The following AGAP1 variants were observed in gnomAD, a reference collection of about 807,000 sequenced individuals.
AGAP1 encodes ArfGAP with GTPase domain, ankyrin repeat and PH domain 1.
In AGAP1, 29 loss-of-function variants were observed where a neutral mutation model predicts 105.3. The observed-to-expected ratio is 0.28, with a 90% CI of 0.21 to 0.38. The LOEUF (loss-of-function observed/expected upper bound fraction) is 0.38, where lower values mean the gene tolerates loss of function less well. Among genes scored for constraint, AGAP1 ranks in the 10% least tolerant of loss-of-function variants. The pLI is 1.00. For missense variants in AGAP1, 998 were observed against 1,165.1 expected (o/e 0.86, Z 2.09); for synonymous variants, 509 against 485.9 (o/e 1.05, Z -0.63).
In AGAP1 at chr2:235,965,332, A is replaced by C. The variant is rs997701115; in HGVS notation, c.1484-3130A>C. The stretch of plus-strand genomic sequence containing the variant: ...GTGGACGTAGGGAGGAGAGGCAGGA[A>C]AACATGGCATCTTGGGCCAGCACAG... On this transcript the variant is annotated intron_variant, in intron 12 of 17. Coordinates refer to ENST00000304032, the MANE Select transcript of AGAP1 (RefSeq NM_001037131.3). The surrounding 1 kb of genome is among the most constrained non-coding windows in gnomAD (Gnocchi z 5.8). 1.3e-5 allele frequency among the ~76,000 whole-genome samples: 2 copies of C among 152,220 alleles called. No homozygotes were observed. Among genetic ancestry groups the C allele is most frequent in the African/African-American group, 4.8e-5 (2 of 41,450 alleles).
In AGAP1 at chr2:236,058,532, A is replaced by G. The variant is rs977882978; in HGVS notation, c.2114+9251A>G. Among the ~76,000 whole-genome samples the G allele has an allele frequency of 6.6e-6, 1 of 152,232 alleles. No homozygotes were observed. Among genetic ancestry groups the G allele is most frequent in the Non-Finnish European group, 1.5e-5 (1 of 68,032 alleles). On this transcript the variant is annotated intron_variant, in intron 16 of 17. Transcript: ENST00000304032. This position sits in a 1 kb window ranked among gnomAD's most constrained non-coding sequence, Gnocchi z 4.6. ...ATTTGACAAAACCACGTGCCCTTTCATGGTAACAAACACTCAGCAAACTAG... is the reference window on the plus strand; with the variant it reads ...ATTTGACAAAACCACGTGCCCTTTCGTGGTAACAAACACTCAGCAAACTAG...
intron 4 of AGAP1, among the ~76,000 whole-genome samples, chr2:235,742,195 G>A (rs1469668353): frequency 1.3e-5 from 2 of 152,168 alleles, no homozygotes; most frequent in Non-Finnish European, 2.9e-5. Flanking sequence ...GATGGAGAAA[G>A]TGAAAGATAC....
At chr2:235,703,251 G>T (rs1412792578) in intron 1 of AGAP1, among the ~76,000 whole-genome samples, 1 of 151,900 alleles carries the variant, frequency 6.6e-6, no homozygotes, top group African/African-American at 2.4e-5. Context: ...TCCATCCCTG[G>T]TGTGGTTGCT....
intron 1 of AGAP1, among the ~76,000 whole-genome samples, chr2:235,514,741 G>C (rs1392914774): frequency 6.6e-6 from 1 of 152,272 alleles, no homozygotes; most frequent in Non-Finnish European, 1.5e-5. Flanking sequence ...CCCAGCATGG[G>C]CTCAAGGTGC....
Position 235,768,729 on chromosome 2 carries a change from C to T in AGAP1, c.673+18241C>T, listed in dbSNP as rs552358599. Among the ~76,000 whole-genome samples, 10 of 152,276 alleles carry T rather than the reference C, an allele frequency of 6.6e-5. No individual in the cohort carries two copies. The South Asian group carries it at 1.2e-3, about 19-fold the overall frequency. On this transcript the variant is annotated intron_variant, in intron 6 of 17. Transcript: ENST00000304032. ...CACAGAACCTACCTGCAGGTGGGCACGGCTTTGTAGAGAGGGTAGGCACAG... is the reference window on the plus strand; with the variant it reads ...CACAGAACCTACCTGCAGGTGGGCATGGCTTTGTAGAGAGGGTAGGCACAG...
At chr2:235,617,646 G>C (rs574738569) in intron 1 of AGAP1, among the ~76,000 whole-genome samples, 1 of 152,268 alleles carries the variant, frequency 6.6e-6, no homozygotes, top group East Asian at 1.9e-4. Flanking sequence ...AGGTTGCAGT[G>C]AGCCGAGATC....
chr2:235,624,622 T>C (rs13417924), intron 1 of AGAP1, among the ~76,000 whole-genome samples: 6,484 of 152,268 alleles, frequency 0.043, 394 homozygotes, highest in African/African-American at 0.14. Context: ...GTAATGTTTG[T>C]GCTTGTGGGG....
rs548826430 is a variant in AGAP1, at chr2:235,720,433, T to C, written c.310+2789T>C. Among the ~76,000 whole-genome samples the C allele has an allele frequency of 6.6e-6, 1 of 152,150 alleles. No homozygotes were observed. Among genetic ancestry groups the C allele is most frequent in the East Asian group, 1.9e-4 (1 of 5,172 alleles). ...GATGATGGCCCAGCCTCACCTGTGG[T>C]TACTTACCCACACAAAGGTGAGGGC... On this transcript the variant is annotated intron_variant, in intron 3 of 17. Transcript: ENST00000304032. This position sits in a 1 kb window ranked among gnomAD's most constrained non-coding sequence, Gnocchi z 5.0.
chr2:235,820,085 T>C (rs912592037), intron 9 of AGAP1, among the ~76,000 whole-genome samples: 1 of 151,960 alleles, frequency 6.6e-6, no homozygotes, highest in African/African-American at 2.4e-5. Flanking sequence ...CTATTTTTCA[T>C]AGAGATGGGG....
At chr2:235,823,670 G>A (rs1363351689) in intron 9 of AGAP1, among the ~76,000 whole-genome samples, 1 of 152,152 alleles carries the variant, frequency 6.6e-6, no homozygotes. Context: ...AACAAGTAGT[G>A]GTTGTTTACT....
intron 1 of AGAP1, chr2:235,669,968 C>A: frequency 4.6e-6 from 1 of 215,942 alleles, no homozygotes. Context: ...GTCCCCGCAG[C>A]CTGAGTGCGG....
Position 236,123,729 on chromosome 2 carries a change from T to C in AGAP1, c.2371-190T>C, listed in dbSNP as rs1052634058. 4.6e-5 allele frequency among the ~76,000 whole-genome samples: 7 copies of C among 152,092 alleles called. No individual in the cohort carries two copies. Among genetic ancestry groups the C allele is most frequent in the Admixed American group, 3.3e-4 (5 of 15,264 alleles). On this transcript the variant is annotated intron_variant, in intron 17 of 17. Transcript: ENST00000304032. The surrounding 1 kb of genome is among the most constrained non-coding windows in gnomAD (Gnocchi z 4.6). ...GAAAAAAAAAGACATGTTCTTTCCTTAAAAGAATCCGCTGGCCACGGGTGC... is the reference window on the plus strand; with the variant it reads ...GAAAAAAAAAGACATGTTCTTTCCTCAAAAGAATCCGCTGGCCACGGGTGC...
intron 17 of AGAP1, among the ~76,000 whole-genome samples, chr2:236,122,452 T>A (rs1395407270): frequency 6.6e-6 from 1 of 152,206 alleles, no homozygotes; most frequent in Non-Finnish European, 1.5e-5. Flanking sequence ...AAAAATTCCT[T>A]TGATGGCGCT....
intron 11 of AGAP1, among the ~76,000 whole-genome samples, chr2:235,914,394 T>C (rs775549029): frequency 6.6e-6 from 1 of 151,734 alleles, no homozygotes. Flanking sequence ...AGCCTTACAC[T>C]CAAGTGGGGG....
At chr2:235,880,083 C>CTTT (rs35633339) in intron 9 of AGAP1, among the ~76,000 whole-genome samples, 4 of 138,888 alleles carry the variant, frequency 2.9e-5, no homozygotes, top group African/African-American at 7.9e-5. Context: ...GCACTCTGGC[C>CTTT]TTTTTTTTTT....
At chr2:235,810,701 G>A (rs1208333294) in intron 9 of AGAP1, among the ~76,000 whole-genome samples, 1 of 151,972 alleles carries the variant, frequency 6.6e-6, no homozygotes, top group Admixed American at 6.6e-5. Context: ...TCTTTCTCCC[G>A]ATTAAAGATT....
At chr2:235,604,102 A>G (rs1945834936) in intron 1 of AGAP1, among the ~76,000 whole-genome samples, 1 of 151,814 alleles carries the variant, frequency 6.6e-6, no homozygotes, top group South Asian at 2.1e-4. Context: ...ATATAAATAT[A>G]TCAGAATTCA....
At position 235,692,577 on chromosome 2, in the gene AGAP1, C is replaced by A. The variant is rs879872106; in HGVS notation, c.164-16602C>A. Among the ~76,000 whole-genome samples, 23 of 151,888 alleles carry A rather than the reference C, an allele frequency of 1.5e-4. No individual in the cohort carries two copies. The highest frequency in any genetic ancestry group is 4.6e-4 in the African/African-American group (19 of 41,184). Reference sequence around the variant, plus strand: ...CTATGCTCTCCCCCCTTGCCCTCCCCCCTTGCCTTCCTGGGCCATCCTTTT... The same window carrying A: ...CTATGCTCTCCCCCCTTGCCCTCCCACCTTGCCTTCCTGGGCCATCCTTTT... On this transcript the variant is annotated intron_variant, in intron 1 of 17. Transcript: ENST00000304032. This position sits in a 1 kb window ranked among gnomAD's most constrained non-coding sequence, Gnocchi z 5.8.
Position 235,578,800 on chromosome 2 carries a change from A to AATT in AGAP1, c.163+83951_163+83952insATT, listed in dbSNP as rs367778173. On this transcript the variant is annotated intron_variant, in intron 1 of 17. Coordinates refer to ENST00000304032, the MANE Select transcript of AGAP1 (RefSeq NM_001037131.3). This position sits in a 1 kb window ranked among gnomAD's most constrained non-coding sequence, Gnocchi z 4.9. Reference sequence around the variant, plus strand: ...ACTCAGTCTCAAAAAAAAAAAAAAAATTTTTTTTTTACAATAAGCTATTTA... The same window carrying AATT: ...ACTCAGTCTCAAAAAAAAAAAAAAAAATTTTTTTTTTTTACAATAAGCTATTTA... Among the ~76,000 whole-genome samples, 5,612 of 139,652 alleles carry AATT rather than the reference A, an allele frequency of 0.04. 160 individuals carry two copies. The highest frequency in any genetic ancestry group is 0.087 in the Admixed American group (1,232 of 14,082). 91.6% of individuals were successfully genotyped at this position (139,652 alleles called of 152,430 possible).
Sources: allele counts gnomAD v4.1 joint callset (sites outside exome capture counted in the v4.1 genomes callset), GRCh38; gene constraint gnomAD v4.1.1; non-coding constraint Gnocchi (gnomAD v3.1); transcripts MANE v1.5; gene names NCBI Gene and HGNC (gene_info 2026-07-23, HGNC 2026-07-21).